UBE3A: variants seen among roughly 807,000 people sequenced by gnomAD.
UBE3A encodes ubiquitin protein ligase E3A.
In UBE3A, 6 loss-of-function variants were observed where a neutral mutation model predicts 83.4. The observed-to-expected ratio is 0.07, with a 90% CI of 0.04 to 0.14. The LOEUF (loss-of-function observed/expected upper bound fraction) is 0.14. UBE3A is among the 10% of genes least tolerant of loss of function. The pLI, the probability that UBE3A is intolerant of heterozygous loss-of-function variation, is 1.00. For missense variants in UBE3A, 456 were observed against 1,036.1 expected (o/e 0.44, Z 7.69); for synonymous variants, 337 against 355.4 (o/e 0.95, Z 0.58).
rs538339190 is a variant in UBE3A at position 25,417,448 on chromosome 15, A to G, written c.-164-5477T>C. ...TCATTAAATATGTAAAAAACAAAAA[A>G]TAAAATAAAATAAATACTAGGAAAA... On this transcript the variant is annotated intron_variant, in intron 1 of 12. Coordinates refer to ENST00000648336, the MANE Select transcript of UBE3A (RefSeq NM_130839.5). 3.3e-5 allele frequency among the ~76,000 whole-genome samples: 5 copies of G among 152,096 alleles called. No individual in the cohort carries two copies. The East Asian group carries it at 9.6e-4, about 29-fold the overall frequency.
chr15:25,371,555 A>G lies in UBE3A; in HGVS notation c.619T>C (p.Ser207Pro). The G allele has an allele frequency of 6.2e-7, 1 of 1,614,196 alleles. No individual in the cohort carries two copies. The highest frequency in any genetic ancestry group is 1.3e-5 in the African/African-American group (1 of 75,056). The change falls in exon 6 of 13, where the codon TCT becomes CCT. Residue 207 changes from serine to proline, a missense_variant. By Grantham distance (74) the Ser-to-Pro change is moderately conservative (BLOSUM62 -1). This residue lies in a region of UBE3A where 42 missense variants were observed against 41.8 expected (regional missense o/e 1.00). Coordinates refer to ENST00000648336, the MANE Select transcript of UBE3A (RefSeq NM_130839.5). This position sits in a 1 kb window ranked among gnomAD's most constrained non-coding sequence, Gnocchi z 5.3. Reference protein sequence around the residue: ...AAAMEEDSEASSSRIGDSSQG... With the variant: ...AAAMEEDSEAPSSRIGDSSQG... Reference sequence around the variant, plus strand: ...GAGCTATCACCTATCCTTGAGGAAGATGCTTCTGAGTCTTCTTCCATAGCA... The same window carrying G: ...GAGCTATCACCTATCCTTGAGGAAGGTGCTTCTGAGTCTTCTTCCATAGCA...
intron 1 of UBE3A, among the ~76,000 whole-genome samples, chr15:25,437,408 A>T (rs1466499047): frequency 1.3e-5 from 2 of 152,226 alleles, no homozygotes; most frequent in Non-Finnish European, 2.9e-5. Context: ...TGTCTCTGAC[A>T]GGTAACTTTC....
At chr15:25,382,650 ATC>A (rs1291252830) in intron 4 of UBE3A, among the ~76,000 whole-genome samples, 6 of 152,080 alleles carry the variant, frequency 3.9e-5, no homozygotes, top group African/African-American at 1.4e-4. Context: ...TAGAAAAAAA[ATC>A]AACAAAATTA....
intron 4 of UBE3A, among the ~76,000 whole-genome samples, chr15:25,392,236 G>A (rs2084561552): frequency 6.6e-6 from 1 of 152,140 alleles, no homozygotes; most frequent in Non-Finnish European, 1.5e-5. Flanking sequence ...GCTCTAGTCA[G>A]GTCATCACTT....
At chr15:25,428,638 A>G (rs528546595) in intron 1 of UBE3A, among the ~76,000 whole-genome samples, 2 of 152,330 alleles carry the variant, frequency 1.3e-5, no homozygotes, top group African/African-American at 4.8e-5. Context: ...AAACATACAG[A>G]AAATAATAAA....
chr15:25,392,576 C>T (rs967289282), intron 4 of UBE3A, among the ~76,000 whole-genome samples: 1 of 151,952 alleles, frequency 6.6e-6, no homozygotes, highest in African/African-American at 2.4e-5. Flanking sequence ...AAGAGAAAGC[C>T]ACGATTTCAA....
At chr15:25,347,456 C>T (rs2075861627) in intron 11 of UBE3A, among the ~76,000 whole-genome samples, 1 of 152,130 alleles carries the variant, frequency 6.6e-6, no homozygotes, top group African/African-American at 2.4e-5. Flanking sequence ...AATTCCAGCA[C>T]TTTGGGAGGC....
At chr15:25,407,769 T>C (rs2088992181) in intron 3 of UBE3A, 1 of 152,186 alleles carries the variant, frequency 6.6e-6, no homozygotes, top group South Asian at 2.1e-4. Context: ...AAATTGGAAA[T>C]TGTTTTTTAA....
At chr15:25,383,215 T>G (rs996098535) in intron 4 of UBE3A, among the ~76,000 whole-genome samples, 4 of 152,200 alleles carry the variant, frequency 2.6e-5, no homozygotes, top group Non-Finnish European at 4.4e-5. Context: ...AACTGGAATT[T>G]ATTCATAAAA....
At chr15:25,413,999 T>C (rs375668712) in intron 1 of UBE3A, among the ~76,000 whole-genome samples, 1 of 152,146 alleles carries the variant, frequency 6.6e-6, no homozygotes, top group Non-Finnish European at 1.5e-5. Flanking sequence ...TTCTGCGCAA[T>C]GTCATCCATT....
At chr15:25,342,332 G>A (rs534130877) in intron 11 of UBE3A, among the ~76,000 whole-genome samples, 7 of 152,136 alleles carry the variant, frequency 4.6e-5, no homozygotes, top group African/African-American at 1.7e-4. Flanking sequence ...GACAGACCCT[G>A]CAGGAAGTGG....
At chr15:25,407,258 T>C (rs922309143) in intron 3 of UBE3A, 2 of 1,098,484 alleles carry the variant, frequency 1.8e-6, no homozygotes, top group Non-Finnish European at 2.2e-6. Context: ...ATAAACCTGC[T>C]GGCACTGAGG....
chr15:25,389,158 T>A (rs1027311594), intron 4 of UBE3A, among the ~76,000 whole-genome samples: 2 of 151,610 alleles, frequency 1.3e-5, no homozygotes, highest in Non-Finnish European at 2.9e-5. Context: ...TGGACCCACA[T>A]AGTCAAAGGA....
intron 4 of UBE3A, among the ~76,000 whole-genome samples, chr15:25,386,971 A>C (rs2083277488): frequency 6.6e-6 from 1 of 152,192 alleles, no homozygotes; most frequent in African/African-American, 2.4e-5. Flanking sequence ...TAGAGCATCA[A>C]AAGAAGGAAA....
At chr15:25,352,795 A>T (rs2076697218) in intron 11 of UBE3A, among the ~76,000 whole-genome samples, 1 of 152,230 alleles carries the variant, frequency 6.6e-6, no homozygotes. Context: ...ATTTAGTTAG[A>T]AAAGGTTTAG....
At chr15:25,342,685 A>T (rs992394041) in intron 11 of UBE3A, among the ~76,000 whole-genome samples, 1 of 152,150 alleles carries the variant, frequency 6.6e-6, no homozygotes, top group Non-Finnish European at 1.5e-5. Flanking sequence ...ACTAGGAGAC[A>T]GAACAATAAA....
intron 6 of UBE3A, among the ~76,000 whole-genome samples, chr15:25,365,861 C>T (rs1222121566): frequency 6.6e-6 from 1 of 151,780 alleles, no homozygotes; most frequent in Non-Finnish European, 1.5e-5. Context: ...TTAATTTTTT[C>T]ATGTTCACGA....
At chr15:25,402,699 C>T (rs184349133) in intron 4 of UBE3A, among the ~76,000 whole-genome samples, 9 of 152,316 alleles carry the variant, frequency 5.9e-5, no homozygotes, top group Middle Eastern at 3.4e-3. Flanking sequence ...GGTGAACAGT[C>T]TCTCTCTCCA....
chr15:25,389,705 T>C (rs1050273687), intron 4 of UBE3A, among the ~76,000 whole-genome samples: 2 of 152,120 alleles, frequency 1.3e-5, no homozygotes, highest in African/African-American at 4.8e-5. Flanking sequence ...CTGGCTAACA[T>C]AGTGAAACCC....
Sources: allele counts gnomAD v4.1 joint callset (sites outside exome capture counted in the v4.1 genomes callset), GRCh38; gene constraint gnomAD v4.1.1; regional missense constraint gnomAD v4.1.1; non-coding constraint Gnocchi (gnomAD v3.1); transcripts MANE v1.5; gene names NCBI Gene and HGNC (gene_info 2026-07-23, HGNC 2026-07-21).